The following ULK2 variants were observed in gnomAD, a reference collection of about 807,000 sequenced individuals.
ULK2 encodes the protein serine/threonine-protein kinase ULK2.
In ULK2, 76 loss-of-function variants were observed where a neutral mutation model predicts 127.5. That is an observed-to-expected ratio of 0.60 (90% CI 0.50 to 0.72). ULK2 has a LOEUF of 0.72. ULK2 is among the 30% of genes least tolerant of loss of function. The pLI is 0.00. For missense variants in ULK2, 1,144 were observed against 1,295.9 expected (o/e 0.88, Z 1.80); for synonymous variants, 452 against 461.9 (o/e 0.98, Z 0.28).
At chr17:19,843,698 A>T (rs1357010960) in intron 7 of ULK2, among the ~76,000 whole-genome samples, 1 of 146,906 alleles carries the variant, frequency 6.8e-6, no homozygotes, top group African/African-American at 2.5e-5. Flanking sequence ...TCAATGTGTC[A>T]CCCAGGCTGG....
chr17:19,832,561 G>C (rs73295858), intron 10 of ULK2, among the ~76,000 whole-genome samples: 2,474 of 152,196 alleles, frequency 0.016, 73 homozygotes, highest in African/African-American at 0.056. Context: ...ACCATGCCCA[G>C]CTGTGCTTGA....
chr17:19,802,146 C>T (rs1402488973), intron 15 of ULK2, among the ~76,000 whole-genome samples: 1 of 152,172 alleles, frequency 6.6e-6, no homozygotes, highest in Non-Finnish European at 1.5e-5. Context: ...CAAAAGGTTA[C>T]CATGATTCTT....
At chr17:19,864,303 A>G (rs772479615) in intron 3 of ULK2, among the ~76,000 whole-genome samples, 20 of 152,096 alleles carry the variant, frequency 1.3e-4, no homozygotes, top group Non-Finnish European at 2.8e-4. Context: ...CTCCATCTCT[A>G]TGAAAAACAC....
intron 19 of ULK2, 149 bp from the exon 20 acceptor site, chr17:19,795,874 G>A (rs1260261925): frequency 4.3e-6 from 4 of 939,902 alleles, no homozygotes; most frequent in Non-Finnish European, 6.3e-6. Flanking sequence ...ATAAAGGACA[G>A]AAATAGAATA....
chr17:19,840,475 G>A (rs532319876), intron 9 of ULK2: 12 of 460,910 alleles, frequency 2.6e-5, no homozygotes, highest in African/African-American at 1.0e-4. Flanking sequence ...AAACTTATCC[G>A]GGAAGGAAAA....
rs372309387 is a variant in ULK2 at position 19,782,113 on chromosome 17, C to G, written c.2461-46G>C. The G allele has an allele frequency of 3.2e-6, 5 of 1,566,504 alleles. No individual in the cohort carries two copies. The Admixed American group carries it at 5.2e-5, about 16-fold the overall frequency. On this transcript the variant is annotated intron_variant, in intron 22 of 26. Transcript: ENST00000395544. ...CTTAGAAAATTTCAGATTAAAAATA[C>G]GTACATACTCATTTCTGTACATAAA...
chr17:19,825,689 G>A (rs1257843271), intron 11 of ULK2, among the ~76,000 whole-genome samples: 5 of 149,400 alleles, frequency 3.3e-5, no homozygotes, highest in South Asian at 2.1e-4. Flanking sequence ...GCAAGACTCC[G>A]TTTAAAAAAA....
intron 8 of ULK2, among the ~76,000 whole-genome samples, chr17:19,842,267 G>A (rs532944019): frequency 2.2e-5 from 3 of 137,060 alleles, no homozygotes; most frequent in Admixed American, 8.2e-5. Context: ...GTGTGATCTC[G>A]GCTCACCGCA....
intron 20 of ULK2, among the ~76,000 whole-genome samples, chr17:19,794,265 G>A (rs932452014): frequency 2.6e-5 from 4 of 152,156 alleles, no homozygotes; most frequent in Non-Finnish European, 4.4e-5. Context: ...AGTCAGTAGA[G>A]CATGAGACTT....
chr17:19,848,777 C>CA (rs34312318), intron 5 of ULK2, among the ~76,000 whole-genome samples: 4,608 of 128,912 alleles, frequency 0.036, 216 homozygotes, highest in African/African-American at 0.12. Flanking sequence ...ACTTCATCTC[C>CA]AAAAAAAAAA....
chr17:19,840,746 G>C (rs923196549), intron 9 of ULK2, among the ~76,000 whole-genome samples: 1 of 151,412 alleles, frequency 6.6e-6, no homozygotes, highest in Non-Finnish European at 1.5e-5. Flanking sequence ...AAAATTAGAG[G>C]GGCGTGGTGG....
At position 19,852,296 on chromosome 17, in the gene ULK2, C is replaced by T. The variant is rs538098506; in HGVS notation, c.226-2522G>A. Among the ~76,000 whole-genome samples the T allele has an allele frequency of 2.1e-4, 32 of 151,806 alleles. No individual in the cohort carries two copies. The East Asian group carries it at 5.5e-3, about 26-fold the overall frequency. On this transcript the variant is annotated intron_variant, in intron 3 of 26. Transcript: ENST00000395544. ...CAGCACTTTGGGAGGCCGAGACAGG[C>T]GGATCACAAGGTCAGGAGATCAAGA...
chr17:19,799,535 C>A lies in ULK2; in HGVS notation c.1482G>T (p.Gly494=). 6.3e-7 allele frequency: 1 copy of A among 1,589,168 alleles called. No homozygotes were observed. Among genetic ancestry groups the A allele is most frequent in the Admixed American group, 1.8e-5 (1 of 55,040 alleles). Residue 494 remains glycine (G), a synonymous_variant, in exon 17 of 27, where the codon GGG becomes GGT. Coordinates refer to ENST00000395544, the MANE Select transcript of ULK2 (RefSeq NM_014683.4). ...IPEQFSQCCC[G]HPQGHDSRSR... ...TCCTGGAGTCATGGCCCTGAGGATG[C>A]CCACAGCAGCACTGACTGAATTGCT...
Position 19,796,158 on chromosome 17 carries a change from C to T in ULK2, c.1934G>A (p.Cys645Tyr), listed in dbSNP as rs372309630. The change falls in exon 19 of 27, where the codon TGC (cysteine) becomes TAC (tyrosine). Residue 645 changes from cysteine (C) to tyrosine (Y), a missense_variant. This residue lies in a region of ULK2 where 913 missense variants were observed against 970.5 expected (regional missense o/e 0.94). Transcript: ENST00000395544. ...DGNEPRECAH[C>Y]LLVQGSERQR... is the part of the protein sequence containing the mutation. Reference sequence around the variant, plus strand: ...CCTCTCACTTCCTTGCACTAAGAGGCAATGGGCACATTCCCGTGGCTCATT... The same window carrying T: ...CCTCTCACTTCCTTGCACTAAGAGGTAATGGGCACATTCCCGTGGCTCATT... 60 of 1,614,098 alleles carry T rather than the reference C, an allele frequency of 3.7e-5. No homozygotes were observed. The highest frequency in any genetic ancestry group is 4.9e-5 in the Non-Finnish European group (58 of 1,180,046).
At chr17:19,862,690 T>G (rs2042268389) in intron 3 of ULK2, among the ~76,000 whole-genome samples, 1 of 151,810 alleles carries the variant, frequency 6.6e-6, no homozygotes, top group African/African-American at 2.4e-5. Flanking sequence ...GGTCTCGAAC[T>G]CCCAACCTCA....
chr17:19,772,240 A>G lies in ULK2; in HGVS notation c.*4109T>C, dbSNP rs1480481989. 6.6e-6 allele frequency: 1 copy of G among 152,202 alleles called. No homozygotes were observed. The highest frequency in any genetic ancestry group is 2.4e-5 in the African/African-American group (1 of 41,432). The allele number at this position is 152,202 out of a possible 1,614,324, so 9.4% of individuals were successfully genotyped here. A position where few individuals can be genotyped will look rare whatever the true frequency, so the allele number is the denominator to read the frequency against. On this transcript the variant is annotated 3_prime_UTR_variant, in exon 27 of 27. Coordinates refer to ENST00000395544, the MANE Select transcript of ULK2 (RefSeq NM_014683.4). ...AGTTCGGCTTCACCTCTTGCACCAA[A>G]GCTGTGATTTCTCAGGGCAAGTTGT...
intron 13 of ULK2, among the ~76,000 whole-genome samples, chr17:19,815,196 C>A (rs1343738024): frequency 2.0e-5 from 3 of 152,048 alleles, no homozygotes; most frequent in Non-Finnish European, 4.4e-5. Context: ...GAAGAATATA[C>A]CCCTAGCAAG....
chr17:19,834,876 C>T (rs2041552330), intron 10 of ULK2, among the ~76,000 whole-genome samples: 1 of 150,798 alleles, frequency 6.6e-6, no homozygotes, highest in African/African-American at 2.4e-5. Context: ...TACCACCGTA[C>T]TTAGGCCTGG....
rs775758042 is a variant in ULK2, at chr17:19,845,350, T to C, written c.497A>G (p.His166Arg). ...IADFGFARYL[H>R]SNMMAATLCG... ...CAGTGTTGCAGCCATCATGTTACTA[T>C]GTAGGTAACGAGCAAAACCAAAATC... The change falls in exon 7 of 27, where the codon CAT becomes CGT. Residue 166 changes from histidine to arginine, a missense_variant. Coordinates refer to ENST00000395544, the MANE Select transcript of ULK2 (RefSeq NM_014683.4). 9.9e-6 allele frequency: 16 copies of C among 1,614,022 alleles called. No individual in the cohort carries two copies. The highest frequency in any genetic ancestry group is 2.2e-5 in the East Asian group (1 of 44,858).
Sources: allele counts gnomAD v4.1 joint callset (sites outside exome capture counted in the v4.1 genomes callset), GRCh38; gene constraint gnomAD v4.1.1; regional missense constraint gnomAD v4.1.1; transcripts MANE v1.5; gene names NCBI Gene and HGNC (gene_info 2026-07-23, HGNC 2026-07-21).